The following MTHFD1L variants were observed in gnomAD, a reference collection of about 807,000 sequenced individuals.
MTHFD1L encodes the protein monofunctional C1-tetrahydrofolate synthase, mitochondrial.
In MTHFD1L, 81 loss-of-function variants were observed where a neutral mutation model predicts 119.5. That is an observed-to-expected ratio of 0.68 (90% CI 0.57 to 0.82). MTHFD1L has a LOEUF of 0.82. Among genes scored for constraint, MTHFD1L ranks in the 40% least tolerant of loss-of-function variants. MTHFD1L has a pLI of 0.00. For missense variants in MTHFD1L, 1,125 were observed against 1,253.4 expected (o/e 0.90, Z 1.55); for synonymous variants, 430 against 475.2 (o/e 0.90, Z 1.24).
intron 18 of MTHFD1L, among the ~76,000 whole-genome samples, chr6:150,964,179 T>G (rs1014886): frequency 0.78 from 118,844 of 152,214 alleles, 46,620 homozygotes; most frequent in East Asian, 0.92. Context: ...AATGTGAATA[T>G]TGACATCACA....
chr6:150,889,369 G>T (rs113116051), intron 7 of MTHFD1L, among the ~76,000 whole-genome samples: 1 of 152,128 alleles, frequency 6.6e-6, no homozygotes, highest in African/African-American at 2.4e-5. Context: ...AGAGGTTGGC[G>T]TTGGAAGGAT....
At chr6:150,979,105 T>G (rs1293441018) in intron 20 of MTHFD1L, among the ~76,000 whole-genome samples, 1 of 152,074 alleles carries the variant, frequency 6.6e-6, no homozygotes, top group Non-Finnish European at 1.5e-5. Flanking sequence ...CGAGCGTGGT[T>G]GTGGGCCCTG....
At chr6:150,965,631 A>T (rs1324864645) in intron 19 of MTHFD1L, among the ~76,000 whole-genome samples, 1 of 151,086 alleles carries the variant, frequency 6.6e-6, no homozygotes, top group Non-Finnish European at 1.5e-5. Flanking sequence ...ACCGCACTCC[A>T]GCCTGGGCGA....
chr6:150,962,124 G>A (rs901295154), intron 18 of MTHFD1L, among the ~76,000 whole-genome samples: 4 of 152,020 alleles, frequency 2.6e-5, no homozygotes, highest in African/African-American at 7.2e-5. Context: ...CAAGTAGCTG[G>A]GATTATGGGT....
intron 2 of MTHFD1L, among the ~76,000 whole-genome samples, 182 bp downstream of exon 2, chr6:150,876,356 GTCT>G (rs1401201053): frequency 1.3e-5 from 2 of 152,148 alleles, no homozygotes; most frequent in African/African-American, 4.8e-5. Context: ...GCTTGAGTGT[GTCT>G]TCTTTTGTGA....
chr6:151,006,137 G>A (rs1190673679), intron 20 of MTHFD1L, among the ~76,000 whole-genome samples: 10 of 149,496 alleles, frequency 6.7e-5, no homozygotes, highest in African/African-American at 2.4e-4. Context: ...AGTGTACTTA[G>A]GATGCTGCAT....
chr6:150,882,721 A>G, intron 4 of MTHFD1L, 41 bp from the exon 5 acceptor site: 1 of 1,382,066 alleles, frequency 7.2e-7, no homozygotes. Context: ...TCTCATTTTC[A>G]CAAAACTAAT....
chr6:151,039,548 C>T lies in MTHFD1L; in HGVS notation c.2847+2431C>T, dbSNP rs1320290569. On this transcript the variant is annotated intron_variant, in intron 26 of 27. Transcript: ENST00000367321. This position sits in a 1 kb window ranked among gnomAD's most constrained non-coding sequence, Gnocchi z 4.4. Reference sequence around the variant, plus strand: ...TGACTACAGGCTCATGCCACTGTGCCAGGCCTGTGTATAATTTAATTATAC... The same window carrying T: ...TGACTACAGGCTCATGCCACTGTGCTAGGCCTGTGTATAATTTAATTATAC... 6.6e-6 allele frequency among the ~76,000 whole-genome samples: 1 copy of T among 152,042 alleles called. No individual in the cohort carries two copies. Among genetic ancestry groups the T allele is most frequent in the African/African-American group, 2.4e-5 (1 of 41,384 alleles).
chr6:150,997,567 TGCCTCGA>T (rs1279605238), intron 20 of MTHFD1L, among the ~76,000 whole-genome samples: 1 of 152,116 alleles, frequency 6.6e-6, no homozygotes. Context: ...GGCAGGTGGA[TGCCTCGA>T]GCCCAGGAGT....
chr6:151,082,789 G>A (rs1278675111), intron 26 of MTHFD1L, among the ~76,000 whole-genome samples: 4 of 152,068 alleles, frequency 2.6e-5, no homozygotes, highest in South Asian at 2.1e-4. Context: ...GATAAAGAAC[G>A]AGGGCTGACC....
At chr6:150,985,486 A>G (rs889123731) in intron 20 of MTHFD1L, among the ~76,000 whole-genome samples, 1 of 151,848 alleles carries the variant, frequency 6.6e-6, no homozygotes, top group Admixed American at 6.6e-5. Flanking sequence ...ACATGATGAA[A>G]CCTGTCTCTA....
chr6:151,009,178 C>G (rs1410585392), intron 20 of MTHFD1L, among the ~76,000 whole-genome samples: 1 of 149,678 alleles, frequency 6.7e-6, no homozygotes, highest in Non-Finnish European at 1.5e-5. Context: ...ATCATACTAT[C>G]ATTGCCTTTT....
chr6:150,979,275 G>A (rs1583922725), intron 20 of MTHFD1L, among the ~76,000 whole-genome samples: 1 of 152,248 alleles, frequency 6.6e-6, no homozygotes, highest in Non-Finnish European at 1.5e-5. Context: ...GCTGTCTACA[G>A]CAGATGGTCA....
chr6:150,882,440 T>G (rs1781528894), intron 4 of MTHFD1L, among the ~76,000 whole-genome samples: 1 of 152,262 alleles, frequency 6.6e-6, no homozygotes, highest in Admixed American at 6.5e-5. Context: ...GTCCTTTGTC[T>G]ATCTAAACCT....
chr6:151,048,189 A>C (rs1179366106), intron 26 of MTHFD1L, among the ~76,000 whole-genome samples: 1 of 152,156 alleles, frequency 6.6e-6, no homozygotes, highest in Non-Finnish European at 1.5e-5. Context: ...CTTTCCCAGG[A>C]CTGGTGATGG....
chr6:151,014,381 A>G (rs1315872404), intron 22 of MTHFD1L, among the ~76,000 whole-genome samples: 3 of 152,266 alleles, frequency 2.0e-5, no homozygotes, highest in Non-Finnish European at 4.4e-5. Flanking sequence ...TCTCCAGGTC[A>G]GAAACAAATA....
chr6:150,867,984 GAC>G (rs770945241), intron 1 of MTHFD1L, among the ~76,000 whole-genome samples: 1 of 151,788 alleles, frequency 6.6e-6, no homozygotes, highest in Non-Finnish European at 1.5e-5. Context: ...TTTGAGTAAA[GAC>G]AGGATGTCTC....
At chr6:151,038,024 T>G (rs1376707369) in intron 26 of MTHFD1L, among the ~76,000 whole-genome samples, 8 of 152,246 alleles carry the variant, frequency 5.3e-5, no homozygotes, top group Non-Finnish European at 1.2e-4. Flanking sequence ...AAGCAATAGA[T>G]AGATAAAAAG....
rs144040998 is a variant in MTHFD1L, at chr6:150,917,460, A to G, written c.893-1117A>G. On this transcript the variant is annotated intron_variant, in intron 8 of 27. Coordinates refer to ENST00000367321, the MANE Select transcript of MTHFD1L (RefSeq NM_015440.5). ...AGCTGAGATCGTGCCATTGCACTCCAGCCTGGGTGACAGAGAGAGACTCTA... is the reference window on the plus strand; with the variant it reads ...AGCTGAGATCGTGCCATTGCACTCCGGCCTGGGTGACAGAGAGAGACTCTA... Among the ~76,000 whole-genome samples, 240 of 152,276 alleles carry G rather than the reference A, an allele frequency of 1.6e-3. 1 individual carries two copies. The highest frequency in any genetic ancestry group is 5.4e-3 in the African/African-American group (226 of 41,566).
Sources: allele counts gnomAD v4.1 joint callset (sites outside exome capture counted in the v4.1 genomes callset), GRCh38; gene constraint gnomAD v4.1.1; non-coding constraint Gnocchi (gnomAD v3.1); transcripts MANE v1.5; gene names NCBI Gene and HGNC (gene_info 2026-07-23, HGNC 2026-07-21).